SH3BP5: variants seen among roughly 807,000 people sequenced by gnomAD.
SH3BP5 encodes the protein SH3 domain-binding protein 5.
Under a neutral mutation model 43.3 loss-of-function variants are expected in SH3BP5, and 22 were observed. The observed-to-expected ratio is 0.51, with a 90% CI of 0.36 to 0.73. The LOEUF (loss-of-function observed/expected upper bound fraction) is 0.73, where lower values mean the gene tolerates loss of function less well. SH3BP5 is among the 30% of genes least tolerant of loss of function. The pLI is 0.00. For missense variants in SH3BP5, 529 were observed against 586.9 expected (o/e 0.90, Z 1.02); for synonymous variants, 255 against 225.8 (o/e 1.13, Z -1.16).
chr3:15,272,486 T>C (rs543801499), intron 3 of SH3BP5, among the ~76,000 whole-genome samples: 3 of 152,112 alleles, frequency 2.0e-5, no homozygotes, highest in African/African-American at 4.8e-5. Flanking sequence ...TTTGAAAACA[T>C]GGGCTGATGA....
At chr3:15,323,492 C>T (rs1401804539) in intron 2 of SH3BP5, among the ~76,000 whole-genome samples, 1 of 152,172 alleles carries the variant, frequency 6.6e-6, no homozygotes, top group Non-Finnish European at 1.5e-5. Context: ...TCCACTCAGG[C>T]TGGGCAGCTC....
upstream of SH3BP5, among the ~76,000 whole-genome samples, chr3:15,334,769 G>A (rs1313708797): frequency 6.6e-6 from 1 of 151,274 alleles, no homozygotes; most frequent in Non-Finnish European, 1.5e-5. Flanking sequence ...TGGACAACAT[G>A]GTGAAACACC....
chr3:15,277,139 C>A (rs1811610), intron 3 of SH3BP5, among the ~76,000 whole-genome samples: 3 of 151,996 alleles, frequency 2.0e-5, no homozygotes, highest in African/African-American at 7.3e-5. Flanking sequence ...TTAGTAGATA[C>A]GAAACAGGGT....
chr3:15,315,470 C>T (rs1698162448), intron 2 of SH3BP5, among the ~76,000 whole-genome samples: 1 of 152,210 alleles, frequency 6.6e-6, no homozygotes, highest in Non-Finnish European at 1.5e-5. Context: ...CATCACACTG[C>T]CTGTCCTTAT....
intron 3 of SH3BP5, among the ~76,000 whole-genome samples, chr3:15,294,376 T>C (rs1697510418): frequency 6.6e-6 from 1 of 151,120 alleles, no homozygotes; most frequent in South Asian, 2.1e-4. Flanking sequence ...GTAAAACACT[T>C]AGAAAGTGCC....
At chr3:15,304,365 G>T in intron 2 of SH3BP5, 134 bp from the exon 3 acceptor site, 2 of 1,362,262 alleles carry the variant, frequency 1.5e-6, no homozygotes, top group South Asian at 1.2e-5. Flanking sequence ...ACCTTTACAA[G>T]ACAGTGTCTA....
intron 3 of SH3BP5, among the ~76,000 whole-genome samples, chr3:15,283,901 T>A (rs1410162141): frequency 6.6e-6 from 1 of 151,586 alleles, no homozygotes; most frequent in Non-Finnish European, 1.5e-5. Context: ...AGCCACAGAG[T>A]CCAGCCCATA....
intron 2 of SH3BP5, among the ~76,000 whole-genome samples, chr3:15,330,259 G>A (rs1017744253): frequency 1.3e-5 from 2 of 152,186 alleles, no homozygotes; most frequent in Admixed American, 1.3e-4. Flanking sequence ...GTAACGCTCT[G>A]CACAGACTTG....
At chr3:15,280,050 T>C (rs1575303990) in intron 3 of SH3BP5, among the ~76,000 whole-genome samples, 1 of 152,314 alleles carries the variant, frequency 6.6e-6, no homozygotes, top group African/African-American at 2.4e-5. Context: ...CCTGAGTCAG[T>C]GTGCCTCGGC....
intron 4 of SH3BP5, among the ~76,000 whole-genome samples, chr3:15,267,946 T>C (rs904435598): frequency 6.6e-6 from 1 of 152,238 alleles, no homozygotes; most frequent in African/African-American, 2.4e-5. Context: ...AAAGGAAAAG[T>C]GGCCCTTCAG....
At chr3:15,269,380 GCTGGGGTT>G (rs1696733041) in intron 4 of SH3BP5, among the ~76,000 whole-genome samples, 1 of 152,132 alleles carries the variant, frequency 6.6e-6, no homozygotes. Context: ...AGCCAGTATT[GCTGGGGTT>G]CCATGGGAGC....
intron 3 of SH3BP5, among the ~76,000 whole-genome samples, chr3:15,294,330 T>TGTGTGCGCGC (rs565464561): frequency 9.1e-5 from 11 of 121,504 alleles, no homozygotes; most frequent in African/African-American, 4.4e-4. Flanking sequence ...TGTGTGTGTG[T>TGTGTGCGCGC]GCGCGCGCAT....
chr3:15,333,920 G>A (rs577308099), upstream of SH3BP5, among the ~76,000 whole-genome samples: 85 of 152,298 alleles, frequency 5.6e-4, no homozygotes, highest in African/African-American at 2.0e-3. Context: ...ATGAAGCCAG[G>A]AACAAGATAG....
At chr3:15,308,214 G>A (rs1697963735) in intron 2 of SH3BP5, among the ~76,000 whole-genome samples, 1 of 152,182 alleles carries the variant, frequency 6.6e-6, no homozygotes, top group South Asian at 2.1e-4. Flanking sequence ...CACCAACGCT[G>A]CCTTTGTGGA....
intron 4 of SH3BP5, among the ~76,000 whole-genome samples, chr3:15,264,040 G>T (rs906078997): frequency 7.6e-4 from 115 of 151,552 alleles, no homozygotes; most frequent in African/African-American, 2.7e-3. Flanking sequence ...ACAGAGGAAG[G>T]TTGCCAATGT....
intron 5 of SH3BP5, among the ~76,000 whole-genome samples, chr3:15,261,099 C>T (rs891377527): frequency 4.6e-5 from 7 of 152,180 alleles, no homozygotes; most frequent in Admixed American, 2.0e-4. Flanking sequence ...CCTACAACAA[C>T]CCTCGCCACC....
intron 3 of SH3BP5, among the ~76,000 whole-genome samples, chr3:15,287,782 C>G (rs1343540703): frequency 6.6e-6 from 1 of 152,042 alleles, no homozygotes; most frequent in Non-Finnish European, 1.5e-5. Flanking sequence ...CACGACGTAC[C>G]CTGCAATTGT....
At chr3:15,273,025 G>T in intron 3 of SH3BP5, 1 of 601,150 alleles carries the variant, frequency 1.7e-6, no homozygotes, top group Non-Finnish European at 2.1e-6. Flanking sequence ...CAGGGCCTCC[G>T]CAGGCCAAGC....
chr3:15,323,426 A>C (rs952386590), intron 2 of SH3BP5, among the ~76,000 whole-genome samples: 8 of 152,130 alleles, frequency 5.3e-5, no homozygotes, highest in African/African-American at 1.9e-4. Context: ...CTCTGTTTGC[A>C]GCGCCCAGCG....
Sources: gnomAD v4.1 joint callset for allele counts (sites outside exome capture counted in the v4.1 genomes callset) on GRCh38, gnomAD v4.1.1 for gene constraint, MANE v1.5 for transcripts, NCBI Gene and HGNC (gene_info 2026-07-23, HGNC 2026-07-21) for gene names.